Variants in SLC25A26 observed in about 807,000 individuals in gnomAD.
SLC25A26 encodes solute carrier family 25 member 26.
Under a neutral mutation model 37.8 loss-of-function variants are expected in SLC25A26, and 36 were observed. The ratio of observed to expected loss-of-function variants is 0.95; its 90% confidence interval spans 0.73 to 1.26. The LOEUF is 1.26. Ranked by LOEUF, SLC25A26 falls within the 50% of genes most tolerant of loss-of-function variation. The pLI is 0.00. For synonymous variants in SLC25A26, 129 were observed against 122.5 expected (o/e 1.05, Z -0.35); for missense variants, 390 against 331.1 (o/e 1.18, Z -1.38).
At chr3:66,282,036 G>T (rs1338855195) in intron 5 of SLC25A26, among the ~76,000 whole-genome samples, 1 of 118,260 alleles carries the variant, frequency 8.5e-6, no homozygotes, top group Admixed American at 1.2e-4. Context: ...ACGGAGTCTC[G>T]CTCTGTCGCC....
chr3:66,333,956 T>C (rs1216622869), intron 5 of SLC25A26, among the ~76,000 whole-genome samples: 2 of 152,184 alleles, frequency 1.3e-5, no homozygotes, highest in African/African-American at 4.8e-5. Flanking sequence ...AGCAGACAGA[T>C]TGAAAATGGT....
intron 1 of SLC25A26, among the ~76,000 whole-genome samples, chr3:66,200,601 A>G (rs2071096632): frequency 6.6e-6 from 1 of 152,244 alleles, no homozygotes; most frequent in South Asian, 2.1e-4. Context: ...GCCATACCTT[A>G]TAAGAGCAAA....
At chr3:66,276,128 G>C (rs1333435230) in intron 5 of SLC25A26, among the ~76,000 whole-genome samples, 1 of 152,078 alleles carries the variant, frequency 6.6e-6, no homozygotes, top group Non-Finnish European at 1.5e-5. Context: ...ATTACTTTGG[G>C]ATCACATAAT....
intron 5 of SLC25A26, among the ~76,000 whole-genome samples, chr3:66,271,180 T>A (rs369405566): frequency 3.3e-4 from 51 of 152,346 alleles, no homozygotes; most frequent in African/African-American, 1.1e-3. Flanking sequence ...TCATCCCATG[T>A]GAAATGTCAT....
chr3:66,251,826 A>G (rs1406295938), intron 3 of SLC25A26, among the ~76,000 whole-genome samples: 2 of 152,062 alleles, frequency 1.3e-5, no homozygotes, highest in African/African-American at 2.4e-5. Flanking sequence ...TTCTTTTTCT[A>G]ATATAGTATG....
intron 5 of SLC25A26, among the ~76,000 whole-genome samples, chr3:66,295,538 A>T (rs959172963): frequency 1.3e-5 from 2 of 151,400 alleles, no homozygotes; most frequent in African/African-American, 4.9e-5. Flanking sequence ...AGTAGCTGGG[A>T]CTACAGGTGC....
intron 1 of SLC25A26, among the ~76,000 whole-genome samples, chr3:66,145,416 T>C (rs1238118435): frequency 6.6e-6 from 1 of 152,204 alleles, no homozygotes; most frequent in Non-Finnish European, 1.5e-5. Context: ...TTTATTGCAT[T>C]TGTGGAAGTA....
chr3:66,151,129 C>T (rs2070202181), intron 1 of SLC25A26, among the ~76,000 whole-genome samples: 1 of 152,174 alleles, frequency 6.6e-6, no homozygotes, highest in Admixed American at 6.5e-5. Flanking sequence ...TCACATCCTT[C>T]TCTGGGCCAG....
chr3:66,188,271 T>C (rs2070869103), intron 1 of SLC25A26, among the ~76,000 whole-genome samples: 1 of 152,156 alleles, frequency 6.6e-6, no homozygotes, highest in African/African-American at 2.4e-5. Context: ...CCCAGACCCT[T>C]ATATTTATCA....
intron 6 of SLC25A26, among the ~76,000 whole-genome samples, chr3:66,353,746 A>T (rs1170971893): frequency 6.6e-6 from 1 of 152,214 alleles, no homozygotes. Flanking sequence ...AACTGTGCTC[A>T]CTTGAGTCAG....
At chr3:66,239,889 C>T (rs995843713) in intron 2 of SLC25A26, among the ~76,000 whole-genome samples, 1 of 146,288 alleles carries the variant, frequency 6.8e-6, no homozygotes, top group East Asian at 2.0e-4. Flanking sequence ...CTGGCAGCCA[C>T]AGCTTCAGGT....
rs542881973 is a variant in SLC25A26 at position 66,319,412 on chromosome 3, C to G, written c.454-26952C>G. ...AATGCATCCTGCTGGTCTGTTTTATCCCATTAAAAAACTTCGCGCGCTTTT... is the reference window on the plus strand; with the variant it reads ...AATGCATCCTGCTGGTCTGTTTTATGCCATTAAAAAACTTCGCGCGCTTTT... On this transcript the variant is annotated intron_variant, in intron 5 of 9. Transcript: ENST00000354883. 3.1e-4 allele frequency among the ~76,000 whole-genome samples: 47 copies of G among 152,146 alleles called. 2 individuals carry two copies. In the South Asian group the frequency reaches 8.3e-3, roughly 27 times the overall value.
chr3:66,372,359 C>A (rs565891685), intron 9 of SLC25A26, among the ~76,000 whole-genome samples: 8 of 152,262 alleles, frequency 5.3e-5, no homozygotes, highest in African/African-American at 1.9e-4. Context: ...ATGGCATGAT[C>A]GACTGGCAAC....
chr3:66,370,110 C>G (rs374569873), intron 8 of SLC25A26, among the ~76,000 whole-genome samples: 2 of 152,190 alleles, frequency 1.3e-5, no homozygotes, highest in Non-Finnish European at 2.9e-5. Flanking sequence ...CAGGATCCAA[C>G]CTAAGAATGT....
chr3:66,243,150 AGT>A, intron 2 of SLC25A26, 51 bp from the exon 3 acceptor site: 1 of 812,796 alleles, frequency 1.2e-6, no homozygotes, highest in South Asian at 1.6e-5. Context: ...GTTTCTTAAC[AGT>A]GTGAATATAT....
chr3:66,266,835 C>G (rs1490428913), intron 5 of SLC25A26, among the ~76,000 whole-genome samples: 1 of 151,968 alleles, frequency 6.6e-6, no homozygotes, highest in Non-Finnish European at 1.5e-5. Flanking sequence ...GCTTTCATAT[C>G]CAGGATGATT....
chr3:66,356,283 T>C (rs1453018041), intron 6 of SLC25A26, among the ~76,000 whole-genome samples: 1 of 152,176 alleles, frequency 6.6e-6, no homozygotes, highest in Non-Finnish European at 1.5e-5. Context: ...CTTTCTGGCC[T>C]ATGACTACTG....
chr3:66,290,487 C>A (rs1406818973), intron 5 of SLC25A26, among the ~76,000 whole-genome samples: 1 of 152,092 alleles, frequency 6.6e-6, no homozygotes, highest in Non-Finnish European at 1.5e-5. Context: ...GAGATACGTC[C>A]CATCAATGCC....
At chr3:66,196,894 TATTA>T (rs1310319785) in intron 1 of SLC25A26, among the ~76,000 whole-genome samples, 1 of 152,166 alleles carries the variant, frequency 6.6e-6, no homozygotes, top group East Asian at 1.9e-4. Flanking sequence ...CATTATCTTA[TATTA>T]ATTAAAAGTT....
Sources: allele counts gnomAD v4.1 joint callset (sites outside exome capture counted in the v4.1 genomes callset), GRCh38; gene constraint gnomAD v4.1.1; transcripts MANE v1.5; gene names NCBI Gene and HGNC (gene_info 2026-07-23, HGNC 2026-07-21).